The following SLC12A1 variants were observed in gnomAD, a reference collection of about 807,000 sequenced individuals.
SLC12A1 encodes solute carrier family 12 member 1, also known as Na-K-2Cl cotransporter.
SLC12A1 carries 89 observed loss-of-function variants against 130.4 expected under a neutral mutation model. That is an observed-to-expected ratio of 0.68 (90% confidence interval 0.58 to 0.81). The LOEUF is 0.81. Among genes scored for constraint, SLC12A1 ranks in the 40% least tolerant of loss-of-function variants. The probability of loss-of-function intolerance (pLI) is 0.00; values close to 1 mark genes in which losing one functional copy is unlikely to be tolerated. For synonymous variants in SLC12A1, 499 were observed against 460.0 expected, an observed-to-expected ratio of 1.08 and a Z score of -1.09; for missense variants, 1,310 against 1,336.4, an observed-to-expected ratio of 0.98 and a Z score of 0.31.
At position 48,291,851 on chromosome 15, in the gene SLC12A1, C is replaced by A. The variant is rs746989613; in HGVS notation, c.2947C>A (p.Pro983Thr). ...IHIIGDINIR[P>T]NKESWKVFEE... ...TATCATCGGTGACATCAACATTAGG[C>A]CAAACAAAGAGAGGTATGAAATATT... Residue 983 changes from proline (P) to threonine (T), a missense_variant, in exon 24 of 27, where the codon CCA (proline) becomes ACA (threonine). Transcript: ENST00000380993. The A allele has an allele frequency of 1.3e-6, 2 of 1,561,310 alleles. No homozygotes were observed. Among genetic ancestry groups the A allele is most frequent in the South Asian group, 2.4e-5 (2 of 84,724 alleles).
chr15:48,273,252 G>A (rs1011514288), intron 19 of SLC12A1, among the ~76,000 whole-genome samples: 6 of 152,236 alleles, frequency 3.9e-5, no homozygotes, highest in African/African-American at 1.4e-4. Context: ...CCCTCATGTG[G>A]GTGTGGCTCA....
chr15:48,243,320 A>C (rs2041539712), intron 10 of SLC12A1, among the ~76,000 whole-genome samples: 2 of 152,122 alleles, frequency 1.3e-5, no homozygotes, highest in African/African-American at 4.8e-5. Flanking sequence ...TATGATTAAA[A>C]GGATCCCTGC....
intron 4 of SLC12A1, 147 bp from the exon 5 acceptor site, chr15:48,226,329 A>G: frequency 1.8e-6 from 1 of 564,730 alleles, no homozygotes; most frequent in Non-Finnish European, 3.1e-6. Flanking sequence ...TGCCAGGCAA[A>G]CCAGTTTCTC....
At chr15:48,239,992 A>G (rs1303107325) in intron 9 of SLC12A1, among the ~76,000 whole-genome samples, 1 of 141,040 alleles carries the variant, frequency 7.1e-6, no homozygotes, top group Non-Finnish European at 1.5e-5. Context: ...ACTGCCTTCC[A>G]TCTTCACATC....
At chr15:48,282,502 A>G (rs1056277886) in intron 20 of SLC12A1, among the ~76,000 whole-genome samples, 7 of 152,314 alleles carry the variant, frequency 4.6e-5, no homozygotes, top group African/African-American at 1.7e-4. Context: ...AAAAAAAAGA[A>G]AAGAGAAGAA....
In SLC12A1 at chr15:48,208,072, C is replaced by T. The variant is rs753773652; in HGVS notation, c.353C>T (p.Thr118Ile). ...AVPKIEYYRN[T>I]GSISGPKVNR... ...CCCAAGATAGAGTACTATCGTAACACCGGCAGCATCAGTGGGCCCAAGGTC... is the reference window on the plus strand; with the variant it reads ...CCCAAGATAGAGTACTATCGTAACATCGGCAGCATCAGTGGGCCCAAGGTC... Residue 118 changes from threonine to isoleucine, a missense_variant, in exon 2 of 27, where the codon ACC (threonine) becomes ATC (isoleucine). Coordinates refer to ENST00000380993, the MANE Select transcript of SLC12A1 (RefSeq NM_000338.3). The T allele has an allele frequency of 2.5e-6, 4 of 1,613,350 alleles. No individual in the cohort carries two copies. The highest frequency in any genetic ancestry group is 3.4e-6 in the Non-Finnish European group (4 of 1,179,532).
chr15:48,299,240 A>C lies in SLC12A1; in HGVS notation c.3061A>C (p.Ile1021Leu). 6.2e-7 allele frequency: 1 copy of C among 1,608,256 alleles called. No individual in the cohort carries two copies. Among genetic ancestry groups the C allele is most frequent in the Non-Finnish European group, 8.5e-7 (1 of 1,178,232 alleles). Reference sequence around the variant, plus strand: ...ATTAAAAAGAGAAACTCCGTGGAAAATTACAGATGCAGAACTGGAAGCAGT... The same window carrying C: ...ATTAAAAAGAGAAACTCCGTGGAAACTTACAGATGCAGAACTGGAAGCAGT... ...EKLKRETPWKITDAELEAVKE... is the reference protein window; with the variant it reads ...EKLKRETPWKLTDAELEAVKE... The change falls in exon 25 of 27, where the codon ATT becomes CTT. Residue 1021 changes from isoleucine (I) to leucine (L), a missense_variant. Coordinates refer to ENST00000380993, the MANE Select transcript of SLC12A1 (RefSeq NM_000338.3).
chr15:48,235,191 T>C (rs1403258608), intron 9 of SLC12A1, 187 bp downstream of exon 9: 3 of 690,516 alleles, frequency 4.3e-6, no homozygotes, highest in Non-Finnish European at 7.8e-6. Flanking sequence ...TTCCAGATAA[T>C]TCTTCCAAAA....
At chr15:48,258,897 C>T (rs1013819958) in intron 16 of SLC12A1, among the ~76,000 whole-genome samples, 3 of 152,104 alleles carry the variant, frequency 2.0e-5, no homozygotes, top group Non-Finnish European at 2.9e-5. Context: ...TCTCACAATA[C>T]GTGGCAATTA....
chr15:48,268,365 C>T (rs767865511), intron 18 of SLC12A1, among the ~76,000 whole-genome samples: 13 of 152,046 alleles, frequency 8.6e-5, no homozygotes, highest in Non-Finnish European at 1.9e-4. Context: ...ATCCAAGAGA[C>T]CCTCAGAAAT....
chr15:48,226,422 G>T, intron 4 of SLC12A1, 54 bp from the exon 5 acceptor site: 1 of 1,100,590 alleles, frequency 9.1e-7, no homozygotes, highest in Non-Finnish European at 1.3e-6. Flanking sequence ...CAGCAATAGG[G>T]AATCCAAGGA....
intron 2 of SLC12A1, among the ~76,000 whole-genome samples, chr15:48,212,956 G>C (rs1193457773): frequency 1.3e-5 from 2 of 152,168 alleles, no homozygotes; most frequent in Non-Finnish European, 2.9e-5. Flanking sequence ...TTATGTTTCA[G>C]ACACTGTGCT....
chr15:48,218,844 G>C (rs936639562), intron 2 of SLC12A1, among the ~76,000 whole-genome samples: 11 of 152,158 alleles, frequency 7.2e-5, no homozygotes, highest in African/African-American at 2.4e-4. Context: ...GTAAAAGCCA[G>C]ATAAGCTAAA....
At chr15:48,263,135 C>T (rs2041794272) in intron 17 of SLC12A1, among the ~76,000 whole-genome samples, 1 of 152,038 alleles carries the variant, frequency 6.6e-6, no homozygotes, top group South Asian at 2.1e-4. Context: ...TGCAGCAGTT[C>T]CTTATTCATA....
intron 4 of SLC12A1, chr15:48,225,370 T>C (rs142328617): frequency 6.6e-6 from 1 of 152,320 alleles, no homozygotes; most frequent in African/African-American, 2.4e-5. Context: ...TAATCTCTAG[T>C]TATCTTGACA....
chr15:48,255,436 CAAA>C (rs373793834), intron 15 of SLC12A1, among the ~76,000 whole-genome samples: 9 of 89,312 alleles, frequency 1.0e-4, no homozygotes, highest in Admixed American at 1.3e-4. Context: ...AACTCCATCT[CAAA>C]AAAAAAAAAA....
At chr15:48,235,276 G>T (rs553564049) in intron 9 of SLC12A1, 25 of 391,454 alleles carry the variant, frequency 6.4e-5, no homozygotes, top group African/African-American at 4.9e-4. Context: ...ATGTAGTTCA[G>T]TGAAAAAAAT....
intron 25 of SLC12A1, among the ~76,000 whole-genome samples, chr15:48,300,324 TA>T (rs879936716): frequency 3.3e-3 from 462 of 140,218 alleles, no homozygotes; most frequent in Admixed American, 3.1e-3. Flanking sequence ...AAACCCTGTT[TA>T]AAAAAAAAAA....
rs779359283 is a variant in SLC12A1, at chr15:48,259,222, G to C, written c.2065G>C (p.Gly689Arg). ...NFRPQCIVLT[G>R]GPMTRPALLD... ...CAGGCCCCAGTGCATTGTCTTAACA[G>C]GGGGACCCATGACAAGACCTGCTCT... Residue 689 changes from glycine to arginine, a missense_variant, in exon 17 of 27, where the codon GGG becomes CGG. Gly to Arg is a moderately radical substitution (Grantham distance 125). Transcript: ENST00000380993. 1.2e-6 allele frequency: 2 copies of C among 1,613,016 alleles called. No homozygotes were observed. The highest frequency in any genetic ancestry group is 1.7e-6 in the Non-Finnish European group (2 of 1,179,092).
Sources: gnomAD v4.1 joint callset for allele counts (sites outside exome capture counted in the v4.1 genomes callset) on GRCh38, gnomAD v4.1.1 for gene constraint, MANE v1.5 for transcripts, NCBI Gene and HGNC (gene_info 2026-07-23, HGNC 2026-07-21) for gene names.